Variants in EDA observed in about 807,000 individuals in gnomAD.
EDA encodes ectodysplasin-A.
Under a neutral mutation model 23.6 loss-of-function variants are expected in EDA, and 2 were observed. The ratio of observed to expected loss-of-function variants is 0.08; its 90% CI spans 0.03 to 0.27. The LOEUF (loss-of-function observed/expected upper bound fraction) is 0.27. Among genes scored for constraint, EDA ranks in the 10% least tolerant of loss-of-function variants. The pLI is 1.00. For missense variants in EDA, 229 were observed against 324.2 expected (o/e 0.71, Z 2.26); for synonymous variants, 131 against 132.0 (o/e 0.99, Z 0.05).
At chrX:69,649,565 C>A (rs1487515938) in intron 1 of EDA, among the ~76,000 whole-genome samples, 6 of 108,962 alleles carry the variant, frequency 5.5e-5, no homozygotes, top group African/African-American at 2.0e-4. Context: ...TTCCTTTGTA[C>A]CCTTGTAGTA....
At chrX:69,669,699 G>A (rs770261883) in intron 1 of EDA, among the ~76,000 whole-genome samples, 1 of 109,555 alleles carries the variant, frequency 9.1e-6, no homozygotes, top group East Asian at 2.8e-4. Flanking sequence ...AGATTCACAT[G>A]GTACATGTGT....
rs1215864803 is a variant in EDA, at chrX:70,037,713, G to A, written c.*2104G>A. 9.0e-6 allele frequency: 1 copy of A among 111,692 alleles called. No homozygotes were observed. The highest frequency in any genetic ancestry group is 3.3e-5 in the African/African-American group (1 of 30,664). 9.2% of individuals were successfully genotyped at this position (111,692 alleles called of 1,213,427 possible). On this transcript the variant is annotated 3_prime_UTR_variant, in exon 8 of 8. Coordinates refer to ENST00000374552, the MANE Select transcript of EDA (RefSeq NM_001399.5). ...GGAACTGAAATCCTTGAGAGTTCCG[G>A]GGAGAAACCCAGAGATGCCTGATTT... is the stretch of plus-strand genomic sequence containing the variant.
rs2019395549 is a variant in EDA at position 69,980,891 on chromosome X, G to A, written c.502+23759G>A. Among the ~76,000 whole-genome samples, 3 of 111,987 alleles carry A rather than the reference G, an allele frequency of 2.7e-5. No individual in the cohort carries two copies. The South Asian group carries it at 1.1e-3, about 42-fold the overall frequency. On this transcript the variant is annotated intron_variant, in intron 2 of 7. Coordinates refer to ENST00000374552, the MANE Select transcript of EDA (RefSeq NM_001399.5). ...AATAAAGTCTTCCTTGTCTTATTTT[G>A]CCCCTCTGGGCAGGTGTTCATTTTG...
At chrX:69,828,668 C>T (rs908331793) in intron 1 of EDA, among the ~76,000 whole-genome samples, 1 of 112,396 alleles carries the variant, frequency 8.9e-6, no homozygotes, top group Non-Finnish European at 1.9e-5. Context: ...TCTTCTGCGT[C>T]GCTCACGCTG....
intron 1 of EDA, among the ~76,000 whole-genome samples, chrX:69,805,778 T>C (rs1411105262): frequency 1.8e-5 from 2 of 111,786 alleles, no homozygotes; most frequent in Non-Finnish European, 3.8e-5. Flanking sequence ...GATCAGGACA[T>C]GCTGTATGTG....
rs750752122 is a variant in EDA, at chrX:69,722,442, G to A, written c.396+105738G>A. On this transcript the variant is annotated intron_variant, in intron 1 of 7. Transcript: ENST00000374552. ...AGGATGGTCTCGATCTCCTGACCTC[G>A]TGATCTGCCCGCCTCAGCCTCCTAA... Among the ~76,000 whole-genome samples, 23 of 110,788 alleles carry A rather than the reference G, an allele frequency of 2.1e-4. No individual in the cohort carries two copies. In the East Asian group the frequency reaches 4.8e-3, roughly 23 times the overall value.
At chrX:69,862,347 T>C (rs2147597336) in intron 1 of EDA, among the ~76,000 whole-genome samples, 1 of 112,385 alleles carries the variant, frequency 8.9e-6, no homozygotes, top group East Asian at 2.8e-4. Flanking sequence ...ATTTCTGCTT[T>C]ATTCTGTTCA....
chrX:69,938,052 C>T (rs1435598935), intron 1 of EDA: 1 of 1,119,161 alleles, frequency 8.9e-7, no homozygotes. Flanking sequence ...TGCCAAGCAT[C>T]AAAATGTTAT....
At chrX:69,952,158 T>G (rs1380099114) in intron 1 of EDA, among the ~76,000 whole-genome samples, 3 of 112,479 alleles carry the variant, frequency 2.7e-5, no homozygotes, top group Non-Finnish European at 5.6e-5. Flanking sequence ...CTCTCTCATT[T>G]TAAGCAGTGT....
chrX:69,646,179 T>C (rs2147236655), intron 1 of EDA, among the ~76,000 whole-genome samples: 1 of 111,078 alleles, frequency 9.0e-6, no homozygotes, highest in East Asian at 2.8e-4. Context: ...AGGTGGAGAG[T>C]TCTATAGATA....
intron 1 of EDA, among the ~76,000 whole-genome samples, chrX:69,850,285 T>C (rs775113980): frequency 8.9e-6 from 1 of 112,361 alleles, no homozygotes; most frequent in East Asian, 2.8e-4. Flanking sequence ...CTCTGTGGCT[T>C]ATTAGTAGAG....
At chrX:69,929,716 G>T (rs1460691077) in intron 1 of EDA, among the ~76,000 whole-genome samples, 1 of 102,432 alleles carries the variant, frequency 9.8e-6, no homozygotes, top group African/African-American at 3.6e-5. Context: ...TTGTGTGTGT[G>T]TGTGTGTGTG....
At chrX:69,966,884 C>T (rs1345837302) in intron 2 of EDA, among the ~76,000 whole-genome samples, 1 of 108,855 alleles carries the variant, frequency 9.2e-6, no homozygotes, top group African/African-American at 3.3e-5. Context: ...AATATGATCC[C>T]ATTTTCATAG....
chrX:69,655,869 C>T (rs757356191), intron 1 of EDA, among the ~76,000 whole-genome samples: 129 of 101,783 alleles, frequency 1.3e-3, no homozygotes, highest in African/African-American at 4.8e-3. Flanking sequence ...ACCTGTTCCC[C>T]TGTCCCATTA....
rs1173091981 is a variant in EDA, at chrX:69,876,401, GAATAA to G, written c.397-80618_397-80614del. ...ATTTAATAATAAGAATAAAATATAA[GAATAA>G]AATAAAAGAATAAAATAAAAATAAT... On this transcript the variant is annotated intron_variant, in intron 1 of 7. Coordinates refer to ENST00000374552, the MANE Select transcript of EDA (RefSeq NM_001399.5). Among the ~76,000 whole-genome samples, 12 of 104,005 alleles carry G rather than the reference GAATAA, an allele frequency of 1.2e-4. No individual in the cohort carries two copies. In the South Asian group the frequency reaches 4.1e-3, roughly 36 times the overall value. The allele number at this position is 104,005 out of a possible 115,157, so 90.3% of individuals were successfully genotyped here. A position where few individuals can be genotyped will look rare whatever the true frequency, so the allele number is the denominator to read the frequency against.
chrX:70,032,047 C>T (rs1216468894), intron 6 of EDA, among the ~76,000 whole-genome samples: 1 of 110,822 alleles, frequency 9.0e-6, no homozygotes, highest in Non-Finnish European at 1.9e-5. Flanking sequence ...TCACATGAGG[C>T]CAAAAGTTTG....
intron 1 of EDA, among the ~76,000 whole-genome samples, chrX:69,883,520 A>G (rs2017781981): frequency 9.0e-6 from 1 of 111,457 alleles, no homozygotes; most frequent in Admixed American, 9.5e-5. Context: ...TGTCTCTAAG[A>G]TTCTTGCCTT....
At position 69,979,274 on chromosome X, in the gene EDA, A is replaced by T. The variant is rs920219384; in HGVS notation, c.502+22142A>T. Among the ~76,000 whole-genome samples the T allele has an allele frequency of 2.7e-5, 3 of 112,395 alleles. No individual in the cohort carries two copies. In the Admixed American group the frequency reaches 2.8e-4, roughly 11 times the overall value. On this transcript the variant is annotated intron_variant, in intron 2 of 7. Transcript: ENST00000374552. Reference sequence around the variant, plus strand: ...GATGAATCATATTCCATTTATGAATATACTATATTTTATCCACTCATCAGT... The same window carrying T: ...GATGAATCATATTCCATTTATGAATTTACTATATTTTATCCACTCATCAGT...
At chrX:69,941,379 A>G (rs1306402967) in intron 1 of EDA, among the ~76,000 whole-genome samples, 2 of 111,479 alleles carry the variant, frequency 1.8e-5, no homozygotes, top group Non-Finnish European at 3.8e-5. Flanking sequence ...TGAAGTCTCC[A>G]TCTATTATTG....
Sources: gnomAD v4.1 joint callset for allele counts (sites outside exome capture counted in the v4.1 genomes callset) on GRCh38, gnomAD v4.1.1 for gene constraint, MANE v1.5 for transcripts, NCBI Gene and HGNC (gene_info 2026-07-23, HGNC 2026-07-21) for gene names.